Variants in TMEM94 observed in about 807,000 individuals in gnomAD.
The protein encoded by TMEM94 is ER Mg2+ ATPase.
TMEM94 carries 81 observed loss-of-function variants against 158.6 expected under a neutral mutation model. That is an observed-to-expected ratio of 0.51 (90% confidence interval 0.43 to 0.61). The LOEUF (loss-of-function observed/expected upper bound fraction) is 0.61. TMEM94 is among the 20% of genes least tolerant of loss of function. The pLI is 0.00. For missense variants in TMEM94, 1,435 were observed against 1,762.0 expected (o/e 0.81, Z 3.32); for synonymous variants, 751 against 730.7 (o/e 1.03, Z -0.45).
intron 2 of TMEM94, 65 bp downstream of exon 2, chr17:75,471,994 G>C: frequency 1.3e-6 from 2 of 1,560,834 alleles, no homozygotes; most frequent in Non-Finnish European, 8.8e-7. Context: ...TTTCCTACTT[G>C]TTTTTGCCTG....
At chr17:75,464,589 TCTTTCTTTCTTTCTTTCCTTC>T (rs1481711958) in intron 1 of TMEM94, among the ~76,000 whole-genome samples, 7,322 of 68,262 alleles carry the variant, frequency 0.11, 365 homozygotes, top group Non-Finnish European at 0.15. Flanking sequence ...TTTTTCATTT[TCTTTCTTTCTTTCTTTCCTTC>T]CTTTCTTTCT....
Position 75,485,413 on chromosome 17 carries a change from C to T in TMEM94, c.25-15C>T. 1.2e-6 allele frequency: 2 copies of T among 1,607,220 alleles called. No homozygotes were observed. The highest frequency in any genetic ancestry group is 2.2e-5 in the South Asian group (2 of 90,976). ...GGCCTGGCAGTGACGCCCAGCGCCT[C>T]CTGCTTGCCTGCAGGGCGAGCCTCC... On this transcript the variant is annotated splice_polypyrimidine_tract_variant and intron_variant, in intron 2 of 31. Coordinates refer to ENST00000314256, the MANE Select transcript of TMEM94 (RefSeq NM_014738.6). This position sits in a 1 kb window ranked among gnomAD's most constrained non-coding sequence, Gnocchi z 5.5.
rs2052444850 is a variant in TMEM94, at chr17:75,493,916, G to A, written c.2407G>A (p.Glu803Lys). 2.5e-6 allele frequency: 4 copies of A among 1,610,462 alleles called. No individual in the cohort carries two copies. Among genetic ancestry groups the A allele is most frequent in the Non-Finnish European group, 3.4e-6 (4 of 1,179,758 alleles). Residue 803 changes from glutamate (E) to lysine (K), a missense_variant and splice_region_variant, in exon 18 of 32, where the codon GAA becomes AAA. Glu to Lys is a moderately conservative substitution (Grantham distance 56). This residue lies in a region of TMEM94 where 1,051 missense variants were observed against 1,254.4 expected (regional missense o/e 0.84). Coordinates refer to ENST00000314256, the MANE Select transcript of TMEM94 (RefSeq NM_014738.6). ...CCGCCGCAGCAGCTGGAGCTCTGACGGTACCTCATGGGTCTGTCCAGCGGG... is the reference window on the plus strand; with the variant it reads ...CCGCCGCAGCAGCTGGAGCTCTGACAGTACCTCATGGGTCTGTCCAGCGGG... ...NARRSSWSSD[E>K]GIGEVLEKED...
At position 75,494,663 on chromosome 17, in the gene TMEM94, T is replaced by A. The variant is rs1358718701; in HGVS notation, c.2444T>A (p.Met815Lys). 6.2e-7 allele frequency: 1 copy of A among 1,613,600 alleles called. No homozygotes were observed. The highest frequency in any genetic ancestry group is 1.3e-5 in the African/African-American group (1 of 74,910). ...IGEVLEKEDCMQALSGQIFMG... is the reference protein window; with the variant it reads ...IGEVLEKEDCKQALSGQIFMG... The stretch of plus-strand genomic sequence containing the variant: ...GAGGTGCTGGAGAAGGAAGACTGCA[T>A]GCAGGCCCTGAGCGGCCAGATCTTC... Residue 815 changes from methionine (M) to lysine (K), a missense_variant, in exon 19 of 32, where the codon ATG becomes AAG. Transcript: ENST00000314256.
chr17:75,482,530 ATG>A (rs2051256132), intron 2 of TMEM94, among the ~76,000 whole-genome samples: 4 of 84,532 alleles, frequency 4.7e-5, no homozygotes, highest in East Asian at 2.3e-4. Flanking sequence ...ATATATATGT[ATG>A]TATGTATGTA....
Position 75,497,190 on chromosome 17 carries a change from T to A in TMEM94, c.3399T>A (p.Pro1133=). 1 of 1,613,558 alleles carries A rather than the reference T, an allele frequency of 6.2e-7. No homozygotes were observed. Among genetic ancestry groups the A allele is most frequent in the Non-Finnish European group, 8.5e-7 (1 of 1,179,634 alleles). Residue 1133 remains proline, a synonymous_variant, in exon 26 of 32, where the codon CCT becomes CCA. Transcript: ENST00000314256. Reference sequence around the variant, plus strand: ...TGTGGCTGTCCTGCTTTTGCTACCCTCTGCTCAGGTGAGATGCCATGTATC... The same window carrying A: ...TGTGGCTGTCCTGCTTTTGCTACCCACTGCTCAGGTGAGATGCCATGTATC... ...DILWLSCFCY[P]LLSISLLGKP... is the part of the protein sequence containing the mutation.
At chr17:75,456,929 T>G (rs1191658522) in intron 1 of TMEM94, among the ~76,000 whole-genome samples, 178 bp downstream of exon 1, 1 of 152,202 alleles carries the variant, frequency 6.6e-6, no homozygotes, top group Non-Finnish European at 1.5e-5. Context: ...TCTCCAGCTC[T>G]TGACCATTGC....
At chr17:75,468,203 A>G (rs781221881) in intron 1 of TMEM94, among the ~76,000 whole-genome samples, 39 of 152,168 alleles carry the variant, frequency 2.6e-4, no homozygotes, top group Non-Finnish European at 4.7e-4. Flanking sequence ...AGACCCTGCT[A>G]CGGGTTTCAG....
intron 1 of TMEM94, among the ~76,000 whole-genome samples, chr17:75,461,796 C>G (rs529645097): frequency 6.6e-6 from 1 of 150,950 alleles, no homozygotes; most frequent in Non-Finnish European, 1.5e-5. Flanking sequence ...CGCCTGCAGT[C>G]CCAGCTACTC....
At position 75,498,852 on chromosome 17, in the gene TMEM94, G is replaced by A; in HGVS notation, c.3828-60G>A. 2.0e-6 allele frequency: 3 copies of A among 1,523,094 alleles called. No individual in the cohort carries two copies. The highest frequency in any genetic ancestry group is 4.5e-5 in the East Asian group (2 of 44,004). The allele number at this position is 1,523,094 out of a possible 1,614,324, so 94.3% of individuals were successfully genotyped here. A position where few individuals can be genotyped will look rare whatever the true frequency, so the allele number is the denominator to read the frequency against. On this transcript the variant is annotated intron_variant, in intron 30 of 31. Transcript: ENST00000314256. This position sits in a 1 kb window ranked among gnomAD's most constrained non-coding sequence, Gnocchi z 6.7. ...CCTGCCTGAGCTAACTGTTGTACTG[G>A]GAAGAGCAGGGAAGGAAGCAAGCAG... is the stretch of plus-strand genomic sequence containing the variant.
intron 2 of TMEM94, among the ~76,000 whole-genome samples, chr17:75,473,549 A>G (rs2050570555): frequency 2.0e-5 from 3 of 152,184 alleles, no homozygotes; most frequent in Non-Finnish European, 4.4e-5. Flanking sequence ...TATGGGGGAA[A>G]CAAAGTTCTG....
At chr17:75,474,282 G>A (rs766875538) in intron 2 of TMEM94, among the ~76,000 whole-genome samples, 11 of 152,136 alleles carry the variant, frequency 7.2e-5, no homozygotes, top group Non-Finnish European at 1.2e-4. Flanking sequence ...GAGGCAGGTG[G>A]ATCACCTGAG....
chr17:75,465,942 A>T (rs950286114), intron 1 of TMEM94, among the ~76,000 whole-genome samples: 2 of 151,874 alleles, frequency 1.3e-5, no homozygotes, highest in South Asian at 2.1e-4. Context: ...TTTTAGAGGC[A>T]GGATCTTACT....
At chr17:75,475,052 C>T (rs148201836) in intron 2 of TMEM94, among the ~76,000 whole-genome samples, 1,845 of 152,274 alleles carry the variant, frequency 0.012, 21 homozygotes, top group Middle Eastern at 0.054. Context: ...ATAGAAGGGA[C>T]AGTGTTTGTG....
rs2052412189 is a variant in TMEM94, at chr17:75,493,602, G to C, written c.2189+9G>C. ...CTCTCGGGATCTGACAGGTGGGTGAGGAAGCACATGCCAGCAGCAAGAGCA... is the reference window on the plus strand; with the variant it reads ...CTCTCGGGATCTGACAGGTGGGTGACGAAGCACATGCCAGCAGCAAGAGCA... On this transcript the variant is annotated intron_variant, in intron 17 of 31. Transcript: ENST00000314256. 1 of 1,613,816 alleles carries C rather than the reference G, an allele frequency of 6.2e-7. No homozygotes were observed. Among genetic ancestry groups the C allele is most frequent in the Non-Finnish European group, 8.5e-7 (1 of 1,179,892 alleles).
In TMEM94 at chr17:75,486,431, G is replaced by A; in HGVS notation, c.409+5G>A. 1 of 1,614,200 alleles carries A rather than the reference G, an allele frequency of 6.2e-7. No homozygotes were observed. Among genetic ancestry groups the A allele is most frequent in the Non-Finnish European group, 8.5e-7 (1 of 1,180,034 alleles). On this transcript the variant is annotated splice_donor_5th_base_variant and intron_variant, in intron 5 of 31. Transcript: ENST00000314256. ...GGATCATTGACCAAATCCAAGGTGA[G>A]GTCAAGGGCAGGCATATTGGTGGGA...
intron 2 of TMEM94, among the ~76,000 whole-genome samples, chr17:75,482,336 ACT>A (rs930302779): frequency 2.0e-5 from 3 of 150,622 alleles, no homozygotes; most frequent in African/African-American, 4.9e-5. Context: ...ACAGAACGAG[ACT>A]CTGTCTCAAA....
Position 75,495,214 on chromosome 17 carries a change from T to G in TMEM94, c.2729-70T>G, listed in dbSNP as rs1358510384. 1.1e-5 allele frequency: 16 copies of G among 1,426,564 alleles called. No homozygotes were observed. The highest frequency in any genetic ancestry group is 3.8e-6 in the Non-Finnish European group (4 of 1,046,116). 88.4% of individuals were successfully genotyped at this position (1,426,564 alleles called of 1,614,324 possible). On this transcript the variant is annotated intron_variant, in intron 20 of 31. Coordinates refer to ENST00000314256, the MANE Select transcript of TMEM94 (RefSeq NM_014738.6). The surrounding 1 kb of genome is among the most constrained non-coding windows in gnomAD (Gnocchi z 5.6). Reference sequence around the variant, plus strand: ...GAAGGAGTGGACACAGGCAAAAAATTCTCTGCAGGGCAAGGACAGGTTCCC... The same window carrying G: ...GAAGGAGTGGACACAGGCAAAAAATGCTCTGCAGGGCAAGGACAGGTTCCC...
chr17:75,483,142 C>A (rs2051307559), intron 2 of TMEM94, among the ~76,000 whole-genome samples: 1 of 152,108 alleles, frequency 6.6e-6, no homozygotes, highest in African/African-American at 2.4e-5. Context: ...TGAACATGAG[C>A]TGAAGGGGCT....
Sources: allele counts gnomAD v4.1 joint callset (sites outside exome capture counted in the v4.1 genomes callset), GRCh38; gene constraint gnomAD v4.1.1; regional missense constraint gnomAD v4.1.1; non-coding constraint Gnocchi (gnomAD v3.1); transcripts MANE v1.5; gene names NCBI Gene and HGNC (gene_info 2026-07-23, HGNC 2026-07-21).